GPATCH1: variants seen among roughly 807,000 people sequenced by gnomAD.
GPATCH1 encodes the protein G-patch domain containing 1.
Under a neutral mutation model 114.9 loss-of-function variants are expected in GPATCH1, and 73 were observed. That is an observed-to-expected ratio of 0.64 (90% CI 0.53 to 0.77). GPATCH1 has a LOEUF of 0.77. Among genes scored for constraint, GPATCH1 ranks in the 30% least tolerant of loss-of-function variants. The pLI is 0.00. For missense variants in GPATCH1, 1,058 were observed against 1,144.3 expected (o/e 0.92, Z 1.09); for synonymous variants, 391 against 428.4 (o/e 0.91, Z 1.08).
At position 33,095,767 on chromosome 19, in the gene GPATCH1, G is replaced by A; in HGVS notation, c.559G>A (p.Gly187Arg). The A allele has an allele frequency of 1.2e-6, 2 of 1,608,876 alleles. No individual in the cohort carries two copies. The highest frequency in any genetic ancestry group is 8.5e-7 in the Non-Finnish European group (1 of 1,175,326). Residue 187 changes from glycine to arginine, a missense_variant, in exon 6 of 20, where the codon GGA becomes AGA. Around this residue, in one of 3 missense-constraint regions of GPATCH1, gnomAD observed 893 missense variants for 977.4 expected, o/e 0.91. Transcript: ENST00000170564. ...RRPRRQKPDPGVKIYGCALPP... is the reference protein window; with the variant it reads ...RRPRRQKPDPRVKIYGCALPP... ...ATTTGAAATCTCTTTTCTAGATCCT[G>A]GAGTCAAAATCTATGGCTGTGCATT...
At position 33,113,883 on chromosome 19, in the gene GPATCH1, C is replaced by T. The variant is rs758690399; in HGVS notation, c.2009C>T (p.Ser670Leu). The T allele has an allele frequency of 6.2e-7, 1 of 1,613,988 alleles. No homozygotes were observed. Among genetic ancestry groups the T allele is most frequent in the African/African-American group, 1.3e-5 (1 of 74,912 alleles). Residue 670 changes from serine to leucine, a missense_variant, in exon 14 of 20, where the codon TCA (serine) becomes TTA (leucine). Physicochemically the swap from Ser to Leu is moderately radical, Grantham distance 145. Coordinates refer to ENST00000170564, the MANE Select transcript of GPATCH1 (RefSeq NM_018025.3). ...PTTQASSEKV[S>L]QHRGPDKSRK... is the part of the protein sequence containing the mutation. The stretch of plus-strand genomic sequence containing the variant: ...ACTCAAGCATCAAGTGAAAAAGTAT[C>T]ACAGCACCGAGGTCCCGACAGTGAG...
intron 15 of GPATCH1, among the ~76,000 whole-genome samples, 196 bp from the exon 16 acceptor site, chr19:33,117,629 C>T (rs1043371283): frequency 2.0e-5 from 3 of 152,114 alleles, no homozygotes; most frequent in African/African-American, 7.2e-5. Flanking sequence ...GCACATTGTA[C>T]AGTTGTTGAC....
chr19:33,127,090 G>A (rs1973049904), intron 19 of GPATCH1, among the ~76,000 whole-genome samples: 2 of 151,676 alleles, frequency 1.3e-5, no homozygotes, highest in South Asian at 2.1e-4. Flanking sequence ...AGCCACTATC[G>A]TACCACTACA....
chr19:33,084,260 T>G (rs1972511405), intron 1 of GPATCH1, among the ~76,000 whole-genome samples: 1 of 152,204 alleles, frequency 6.6e-6, no homozygotes, highest in South Asian at 2.1e-4. Flanking sequence ...TTAATTAAAG[T>G]TGCTGGCCCT....
At chr19:33,108,282 T>C (rs921965094) in intron 10 of GPATCH1, among the ~76,000 whole-genome samples, 6 of 151,910 alleles carry the variant, frequency 3.9e-5, no homozygotes, top group African/African-American at 1.5e-4. Flanking sequence ...CCAACACCTC[T>C]CCCACCTACA....
intron 9 of GPATCH1, among the ~76,000 whole-genome samples, chr19:33,106,138 T>A (rs1244690399): frequency 3.3e-5 from 5 of 152,128 alleles, no homozygotes; most frequent in Non-Finnish European, 4.4e-5. Flanking sequence ...CATGATCCAC[T>A]GTTCCCGGCC....
intron 17 of GPATCH1, among the ~76,000 whole-genome samples, chr19:33,124,586 G>T (rs1973019533): frequency 6.6e-6 from 1 of 152,180 alleles, no homozygotes; most frequent in African/African-American, 2.4e-5. Flanking sequence ...ACATTTAGGT[G>T]CCAGATTCTG....
At chr19:33,123,314 C>T (rs548929153) in intron 17 of GPATCH1, among the ~76,000 whole-genome samples, 3 of 150,838 alleles carry the variant, frequency 2.0e-5, no homozygotes, top group Admixed American at 6.6e-5. Context: ...GCAGGAGAAT[C>T]GCTTGAACCT....
Position 33,114,857 on chromosome 19 carries a change from C to T in GPATCH1, c.2196+438C>T, listed in dbSNP as rs544053412. 2.6e-3 allele frequency among the ~76,000 whole-genome samples: 326 copies of T among 126,642 alleles called. 2 individuals carry two copies. Among genetic ancestry groups the T allele is most frequent in the Middle Eastern group, 6.3e-3 (1 of 160 alleles). 83.1% of individuals were successfully genotyped at this position (126,642 alleles called of 152,430 possible). On this transcript the variant is annotated intron_variant, in intron 15 of 19. Coordinates refer to ENST00000170564, the MANE Select transcript of GPATCH1 (RefSeq NM_018025.3). The stretch of plus-strand genomic sequence containing the variant: ...TTGGTCTGTCCCCCAGGCTGGAGTG[C>T]AGTGGCATGATTTCGGCTCACTGCA...
Position 33,081,256 on chromosome 19 carries a change from T to C in GPATCH1, c.63T>C (p.Pro21=). ...TCAGCTATGGGACCGGGCTGGAGCC[T>C]CTGGAAGAAGGTGCGGGCCGCGTGG... ...DLVSYGTGLE[P]LEEGERPKKP... The change falls in exon 1 of 20, where the codon CCT becomes CCC. Residue 21 remains proline, a synonymous_variant. Coordinates refer to ENST00000170564, the MANE Select transcript of GPATCH1 (RefSeq NM_018025.3). 1.3e-6 allele frequency: 2 copies of C among 1,551,528 alleles called. No individual in the cohort carries two copies. The highest frequency in any genetic ancestry group is 1.7e-6 in the Non-Finnish European group (2 of 1,146,934).
intron 9 of GPATCH1, 70 bp from the exon 10 acceptor site, chr19:33,106,625 A>G: frequency 7.8e-7 from 1 of 1,279,274 alleles, no homozygotes; most frequent in Non-Finnish European, 1.1e-6. Context: ...CAGAGGTAAC[A>G]GGTTTTCCTG....
In GPATCH1 at chr19:33,093,247, A is replaced by T. The variant is rs887691880; in HGVS notation, c.295-112A>T. 33 of 644,780 alleles carry T rather than the reference A, an allele frequency of 5.1e-5. No homozygotes were observed. In the African/African-American group the frequency reaches 6.2e-4, roughly 12 times the overall value. 39.9% of individuals were successfully genotyped at this position (644,780 alleles called of 1,614,324 possible). A position where few individuals can be genotyped will look rare whatever the true frequency, so the allele number is the denominator to read the frequency against. ...TGTATGTCTGTCACTCTGCTGATCC[A>T]GAACTAAATTTTGTAGTTTTAACTT... On this transcript the variant is annotated intron_variant, in intron 3 of 19. Transcript: ENST00000170564.
chr19:33,121,844 C>T (rs1372930207), intron 17 of GPATCH1, among the ~76,000 whole-genome samples: 1 of 152,100 alleles, frequency 6.6e-6, no homozygotes, highest in Non-Finnish European at 1.5e-5. Flanking sequence ...ATATAACTAA[C>T]ATAAAAATAT....
At chr19:33,097,105 C>T (rs932568552) in intron 7 of GPATCH1, among the ~76,000 whole-genome samples, 16 of 151,802 alleles carry the variant, frequency 1.1e-4, no homozygotes, top group Non-Finnish European at 1.9e-4. Flanking sequence ...GCCACCACCC[C>T]GGCTAATTTT....
chr19:33,118,734 G>T (rs1972943583), intron 16 of GPATCH1, among the ~76,000 whole-genome samples: 1 of 152,104 alleles, frequency 6.6e-6, no homozygotes, highest in Non-Finnish European at 1.5e-5. Context: ...CAGGTCTTAG[G>T]GGCGCTAGGC....
Position 33,114,270 on chromosome 19 carries a change from A to G in GPATCH1, c.2047A>G (p.Arg683Gly), listed in dbSNP as rs941905572. Residue 683 changes from arginine (R) to glycine (G), a missense_variant, in exon 15 of 20, where the codon AGA (arginine) becomes GGA (glycine). Arg to Gly is a moderately radical substitution (Grantham distance 125). Around this residue, in one of 3 missense-constraint regions of GPATCH1, gnomAD observed 893 missense variants for 977.4 expected, o/e 0.91. Transcript: ENST00000170564. ...CCTTTCAGAATCAAGAAAACCATCC[A>G]GATGGGATACCTCTAAACACGAAAA... ...RGPDKSRKPS[R>G]WDTSKHEKKE... 1.9e-6 allele frequency: 3 copies of G among 1,611,004 alleles called. No individual in the cohort carries two copies. Among genetic ancestry groups the G allele is most frequent in the African/African-American group, 2.7e-5 (2 of 74,546 alleles).
At position 33,113,910 on chromosome 19, in the gene GPATCH1, A is replaced by C. The variant is rs1599862886; in HGVS notation, c.2029+7A>C. The C allele has an allele frequency of 1.2e-6, 2 of 1,613,680 alleles. No homozygotes were observed. Among genetic ancestry groups the C allele is most frequent in the East Asian group, 2.2e-5 (1 of 44,884 alleles). On this transcript the variant is annotated splice_region_variant and intron_variant, in intron 14 of 19. Transcript: ENST00000170564. The stretch of plus-strand genomic sequence containing the variant: ...CAGCACCGAGGTCCCGACAGTGAGT[A>C]GGGCGTCCCCGGGGTCTCTGATTGA...
At chr19:33,108,510 CTT>C (rs953415929) in intron 10 of GPATCH1, among the ~76,000 whole-genome samples, 6 of 146,354 alleles carry the variant, frequency 4.1e-5, no homozygotes, top group Admixed American at 6.9e-5. Flanking sequence ...GAATCTGGCT[CTT>C]TTTTTTTTTA....
At chr19:33,098,859 CTT>C (rs1972693298) in intron 8 of GPATCH1, among the ~76,000 whole-genome samples, 1 of 151,876 alleles carries the variant, frequency 6.6e-6, no homozygotes, top group African/African-American at 2.4e-5. Context: ...TGTTAGGAGA[CTT>C]AACCTCCGGG....
Sources: allele counts gnomAD v4.1 joint callset (sites outside exome capture counted in the v4.1 genomes callset), GRCh38; gene constraint gnomAD v4.1.1; regional missense constraint gnomAD v4.1.1; transcripts MANE v1.5; gene names NCBI Gene and HGNC (gene_info 2026-07-23, HGNC 2026-07-21).